IGF2R: variants seen among roughly 807,000 people sequenced by gnomAD.
IGF2R encodes insulin like growth factor 2 receptor.
IGF2R carries 91 observed loss-of-function variants against 270.6 expected under a neutral mutation model. The ratio of observed to expected loss-of-function variants is 0.34; its 90% confidence interval spans 0.28 to 0.40. IGF2R has a LOEUF of 0.40. Among genes scored for constraint, IGF2R ranks in the 10% least tolerant of loss-of-function variants. The pLI is 1.00. For synonymous variants in IGF2R, 1,316 were observed against 1,258.9 expected (o/e 1.05, Z -0.96); for missense variants, 2,805 against 3,188.3 (o/e 0.88, Z 2.90).
intron 29 of IGF2R, among the ~76,000 whole-genome samples, chr6:160,067,323 G>A (rs1031605612): frequency 4.6e-5 from 7 of 152,000 alleles, no homozygotes; most frequent in Non-Finnish European, 8.8e-5. Flanking sequence ...TCTCGGTCAC[G>A]CCTTCTCTGG....
chr6:159,979,312 G>C (rs1783743253), intron 1 of IGF2R, among the ~76,000 whole-genome samples: 1 of 152,150 alleles, frequency 6.6e-6, no homozygotes, highest in Admixed American at 6.5e-5. Flanking sequence ...TGCAAATAGA[G>C]TGCCAAGCCA....
At chr6:159,996,332 G>T (rs1002241797) in intron 2 of IGF2R, among the ~76,000 whole-genome samples, 2 of 152,184 alleles carry the variant, frequency 1.3e-5, no homozygotes, top group Non-Finnish European at 2.9e-5. Flanking sequence ...TCCGATGGGT[G>T]GGTCTATGAG....
Position 160,061,391 on chromosome 6 carries a change from A to G in IGF2R, c.3263-112A>G. The G allele has an allele frequency of 3.2e-6, 3 of 933,842 alleles. No homozygotes were observed. The South Asian group carries it at 4.7e-5, about 15-fold the overall frequency. 57.8% of individuals were successfully genotyped at this position (933,842 alleles called of 1,614,324 possible). ...CTCCCGTGGATTTCCTTATCCTCAC[A>G]GTTAGGAATGCCAGGTTCACGCCTC... On this transcript the variant is annotated intron_variant, in intron 23 of 47. Transcript: ENST00000356956.
intron 2 of IGF2R, among the ~76,000 whole-genome samples, chr6:160,000,124 G>C (rs1482641431): frequency 2.0e-5 from 3 of 152,328 alleles, no homozygotes; most frequent in South Asian, 4.1e-4. Context: ...AAGAAATCCA[G>C]ATGCTCAATA....
At chr6:160,029,503 G>A (rs1429547759) in intron 6 of IGF2R, 47 bp from the exon 7 acceptor site, 13 of 1,236,298 alleles carry the variant, frequency 1.1e-5, no homozygotes, top group Non-Finnish European at 1.3e-5. Context: ...GAATTTGGAT[G>A]TACTTTATAC....
intron 18 of IGF2R, among the ~76,000 whole-genome samples, chr6:160,049,580 C>G (rs1449099379): frequency 6.6e-6 from 1 of 152,198 alleles, no homozygotes; most frequent in East Asian, 1.9e-4. Flanking sequence ...AGAGCTGGAA[C>G]TTCCGCGCTG....
In IGF2R at chr6:160,105,144, T is replaced by A. The variant is rs1409635706; in HGVS notation, c.*60T>A. On this transcript the variant is annotated 3_prime_UTR_variant, in exon 48 of 48. Transcript: ENST00000356956. ...GGACAGCCAAGCACCTCCAACCAAA[T>A]AAGACTTCCACTCGATGATGCTTCT... 1 of 1,361,540 alleles carries A rather than the reference T, an allele frequency of 7.3e-7. No homozygotes were observed. The highest frequency in any genetic ancestry group is 9.8e-7 in the Non-Finnish European group (1 of 1,015,826). The allele number at this position is 1,361,540 out of a possible 1,614,324, so 84.3% of individuals were successfully genotyped here. A position where few individuals can be genotyped will look rare whatever the true frequency, so the allele number is the denominator to read the frequency against.
rs1197989417 is a variant in IGF2R at position 159,969,099 on chromosome 6, C to T, written c.-148C>T. 6.4e-6 allele frequency: 2 copies of T among 311,876 alleles called. No homozygotes were observed. Among genetic ancestry groups the T allele is most frequent in the East Asian group, 1.8e-4 (1 of 5,642 alleles). 19.3% of individuals were successfully genotyped at this position (311,876 alleles called of 1,614,324 possible). On this transcript the variant is annotated 5_prime_UTR_variant, in exon 1 of 48. Transcript: ENST00000356956. ...CCGCCGCTGCCGCTGTCGCTGTCGCCGAGCCCAGTCGAGCCGCGCTCACCT... is the reference window on the plus strand; with the variant it reads ...CCGCCGCTGCCGCTGTCGCTGTCGCTGAGCCCAGTCGAGCCGCGCTCACCT...
chr6:160,079,709 C>A lies in IGF2R; in HGVS notation c.5608C>A (p.Gln1870Lys). The A allele has an allele frequency of 6.6e-7, 1 of 1,511,268 alleles. No individual in the cohort carries two copies. Among genetic ancestry groups the A allele is most frequent in the African/African-American group, 1.4e-5 (1 of 71,286 alleles). The allele number at this position is 1,511,268 out of a possible 1,614,324, so 93.6% of individuals were successfully genotyped here. A position where few individuals can be genotyped will look rare whatever the true frequency, so the allele number is the denominator to read the frequency against. ...CAAGGGGGCATCCTTTGGACGGCTG[C>A]AATCAATGAAACTGGATTACAGGCA... ...GTKGASFGRL[Q>K]SMKLDYRHQD... Residue 1870 changes from glutamine to lysine, a missense_variant, in exon 38 of 48, where the codon CAA becomes AAA. Gln to Lys is a moderately conservative substitution (Grantham distance 53). This residue lies in a region of IGF2R where 1,851 missense variants were observed against 2,207.2 expected (regional missense o/e 0.84). Transcript: ENST00000356956.
intron 44 of IGF2R, 189 bp from the exon 45 acceptor site, chr6:160,096,250 G>T (rs913461349): frequency 1.2e-5 from 6 of 520,056 alleles, no homozygotes; most frequent in African/African-American, 7.7e-5. Flanking sequence ...TGCTGACTAA[G>T]GGCAGGGCTC....
In IGF2R at chr6:160,024,670, C is replaced by T. The variant is rs748765514; in HGVS notation, c.612C>T (p.Asp204=). 3.1e-6 allele frequency: 5 copies of T among 1,614,156 alleles called. No homozygotes were observed. The highest frequency in any genetic ancestry group is 4.2e-6 in the Non-Finnish European group (5 of 1,180,014). The change falls in exon 5 of 48, where the codon GAC becomes GAT. Residue 204 remains aspartate, a synonymous_variant. Coordinates refer to ENST00000356956, the MANE Select transcript of IGF2R (RefSeq NM_000876.4). The stretch of plus-strand genomic sequence containing the variant: ...ACTTGGTGGATGACTCCGATCCGGA[C>T]ACTTCTCTATTCATCAATGTTTGTA... ...GAYLVDDSDP[D]TSLFINVCRD...
intron 4 of IGF2R, among the ~76,000 whole-genome samples, chr6:160,013,707 T>G (rs767791873): frequency 6.6e-6 from 1 of 152,192 alleles, no homozygotes; most frequent in Admixed American, 6.5e-5. Context: ...ACTAATGGTG[T>G]GAAGGACATA....
At chr6:160,025,323 C>A (rs559196972) in intron 5 of IGF2R, among the ~76,000 whole-genome samples, 2 of 152,320 alleles carry the variant, frequency 1.3e-5, no homozygotes, top group African/African-American at 4.8e-5. Flanking sequence ...CCCCTCAGGG[C>A]TATGAATTGT....
intron 20 of IGF2R, among the ~76,000 whole-genome samples, chr6:160,057,105 A>C (rs1244066577): frequency 6.6e-6 from 1 of 152,122 alleles, no homozygotes; most frequent in African/African-American, 2.4e-5. Flanking sequence ...ACAGGTGTTA[A>C]TATGATCCTT....
chr6:159,979,455 G>T (rs1783745423), intron 1 of IGF2R, among the ~76,000 whole-genome samples: 1 of 152,180 alleles, frequency 6.6e-6, no homozygotes. Context: ...AGTTATACCA[G>T]CACTTCTCTC....
intron 44 of IGF2R, 34 bp from the exon 45 acceptor site, chr6:160,096,405 G>A (rs1176028522): frequency 1.3e-6 from 2 of 1,582,050 alleles, no homozygotes; most frequent in African/African-American, 2.7e-5. Context: ...AAAAATGATG[G>A]TGACATGCCA....
At chr6:159,980,236 A>AAAGGAAGGAAGGAAGG (rs1491249507) in intron 1 of IGF2R, among the ~76,000 whole-genome samples, 2 of 136,076 alleles carry the variant, frequency 1.5e-5, no homozygotes, top group Admixed American at 7.4e-5. Context: ...AGAAAGAAAG[A>AAAGGAAGGAAGGAAGG]AAGGTACATG....
At chr6:160,078,058 T>A in intron 36 of IGF2R, 143 bp from the exon 37 acceptor site, 1 of 749,488 alleles carries the variant, frequency 1.3e-6, no homozygotes, top group Non-Finnish European at 2.3e-6. Flanking sequence ...TGGCATTGGG[T>A]CTTTCAGCTG....
chr6:160,099,448 G>A (rs188132879), intron 45 of IGF2R, among the ~76,000 whole-genome samples: 10 of 152,194 alleles, frequency 6.6e-5, no homozygotes, highest in African/African-American at 2.4e-4. Context: ...CTCACTGCAA[G>A]CTCTGCCTCC....
Sources: gnomAD v4.1 joint callset for allele counts (sites outside exome capture counted in the v4.1 genomes callset) on GRCh38, gnomAD v4.1.1 for gene constraint, gnomAD v4.1.1 regional missense constraint, MANE v1.5 for transcripts, NCBI Gene and HGNC (gene_info 2026-07-23, HGNC 2026-07-21) for gene names.